TCF4: variants seen among roughly 807,000 people sequenced by gnomAD.
TCF4 encodes SL3-3 enhancer factor 2.
A neutral mutation model predicts 82.1 loss-of-function variants in TCF4; 3 were observed. The ratio of observed to expected loss-of-function variants is 0.04; its 90% CI spans 0.02 to 0.09. The LOEUF (loss-of-function observed/expected upper bound fraction) is 0.09, where lower values mean the gene tolerates loss of function less well. Ranked by LOEUF, TCF4 falls within the 10% of genes least tolerant of loss-of-function variation. The probability of loss-of-function intolerance (pLI) is 1.00; values close to 1 mark genes in which losing one functional copy is unlikely to be tolerated. For missense variants in TCF4, 518 were observed against 852.7 expected (o/e 0.61, Z 4.89); for synonymous variants, 276 against 309.6 (o/e 0.89, Z 1.14).
chr18:55,633,769 G>A lies in TCF4; in HGVS notation c.195+1934C>T, dbSNP rs1489669104. On this transcript the variant is annotated intron_variant, in intron 1 of 20. Transcript: ENST00000398339. This position sits in a 1 kb window ranked among gnomAD's most constrained non-coding sequence, Gnocchi z 4.0. ...TTAATGACAATACTTAAATGAATAG[G>A]TATGTCTCGGTTAAGCCCAAAGTAG... 6.6e-6 allele frequency among the ~76,000 whole-genome samples: 1 copy of A among 152,030 alleles called. No individual in the cohort carries two copies. The highest frequency in any genetic ancestry group is 6.5e-5 in the Admixed American group (1 of 15,268).
intron 3 of TCF4, among the ~76,000 whole-genome samples, chr18:55,498,677 A>G (rs1331348731): frequency 6.6e-6 from 1 of 152,154 alleles, no homozygotes; most frequent in Non-Finnish European, 1.5e-5. Context: ...AGATACAAGG[A>G]CCTGGCACCT....
At chr18:55,373,873 G>A (rs1363254862) in intron 6 of TCF4, among the ~76,000 whole-genome samples, 1 of 151,856 alleles carries the variant, frequency 6.6e-6, no homozygotes, top group East Asian at 1.9e-4. Flanking sequence ...AAATGCATAT[G>A]AAATGCTTAA....
chr18:55,454,689 T>C (rs760663126), intron 5 of TCF4, among the ~76,000 whole-genome samples: 3 of 152,096 alleles, frequency 2.0e-5, no homozygotes, highest in Non-Finnish European at 2.9e-5. Flanking sequence ...AAAATAGAGA[T>C]GAATGGATTA....
At chr18:55,362,424 AGG>A (rs2085647113) in intron 6 of TCF4, among the ~76,000 whole-genome samples, 1 of 139,800 alleles carries the variant, frequency 7.2e-6, no homozygotes, top group African/African-American at 2.7e-5. Context: ...GAAGGAAGGA[AGG>A]AAGGAAGGAA....
At chr18:55,397,239 C>A (rs939091681) in intron 6 of TCF4, among the ~76,000 whole-genome samples, 5 of 152,096 alleles carry the variant, frequency 3.3e-5, no homozygotes, top group Non-Finnish European at 7.3e-5. Flanking sequence ...TACACAGCAC[C>A]CCCAATGAAG....
At chr18:55,527,750 G>A (rs936698767) in intron 3 of TCF4, among the ~76,000 whole-genome samples, 1 of 152,052 alleles carries the variant, frequency 6.6e-6, no homozygotes, top group Non-Finnish European at 1.5e-5. Context: ...GAAAATCCAA[G>A]AATTTTTTTT....
At position 55,510,699 on chromosome 18, in the gene TCF4, A is replaced by T. The variant is rs545346645; in HGVS notation, c.146-46562T>A. 17 of 1,444,290 alleles carry T rather than the reference A, an allele frequency of 1.2e-5. No homozygotes were observed. The African/African-American group carries it at 2.3e-4, about 19-fold the overall frequency. The allele number at this position is 1,444,290 out of a possible 1,614,324, so 89.5% of individuals were successfully genotyped here. A position where few individuals can be genotyped will look rare whatever the true frequency, so the allele number is the denominator to read the frequency against. On this transcript the variant is annotated intron_variant, in intron 3 of 19. Coordinates refer to ENST00000354452, the MANE Select transcript of TCF4 (RefSeq NM_001083962.2). ...GTTTGTGAACTGAGACCTCCACTTT[A>T]AAAGGCCTTTCTTTTAAGGGGCCTT...
chr18:55,395,269 CAATT>C (rs2093421997), intron 6 of TCF4, among the ~76,000 whole-genome samples: 1 of 152,172 alleles, frequency 6.6e-6, no homozygotes, highest in African/African-American at 2.4e-5. Context: ...AGCATTAAAT[CAATT>C]ATTTCTTTAG....
chr18:55,350,133 T>G (rs150958189), intron 8 of TCF4, among the ~76,000 whole-genome samples: 1 of 152,306 alleles, frequency 6.6e-6, no homozygotes, highest in Non-Finnish European at 1.5e-5. Context: ...TCTTTAGAGC[T>G]TAACCTGCTG....
intron 1 of TCF4, chr18:55,635,632 T>G: frequency 6.8e-7 from 1 of 1,478,888 alleles, no homozygotes; most frequent in Middle Eastern, 1.8e-4. Flanking sequence ...TTGGCCATGG[T>G]GGCCATGGGA....
At chr18:55,367,976 C>T (rs757186143) in intron 6 of TCF4, among the ~76,000 whole-genome samples, 3 of 152,214 alleles carry the variant, frequency 2.0e-5, no homozygotes, top group Non-Finnish European at 4.4e-5. Context: ...TTAGGGAGAT[C>T]TGGTGGGCAG....
intron 3 of TCF4, among the ~76,000 whole-genome samples, chr18:55,508,041 G>C (rs1283777161): frequency 6.6e-6 from 1 of 152,110 alleles, no homozygotes; most frequent in African/African-American, 2.4e-5. Flanking sequence ...AACAGAACCA[G>C]TGCGGGACAG....
chr18:55,621,428 A>T (rs1366035155), intron 2 of TCF4, among the ~76,000 whole-genome samples: 2 of 118,206 alleles, frequency 1.7e-5, no homozygotes, highest in South Asian at 2.3e-4. Flanking sequence ...ATTATATATA[A>T]TATATAAAAA....
At chr18:55,496,295 T>C (rs909114388) in intron 3 of TCF4, 2 of 152,078 alleles carry the variant, frequency 1.3e-5, no homozygotes, top group Non-Finnish European at 2.9e-5. Context: ...ATGAAGCTTA[T>C]CTAAATTATA....
At chr18:55,471,651 A>T (rs1329529297) in intron 3 of TCF4, among the ~76,000 whole-genome samples, 1 of 152,128 alleles carries the variant, frequency 6.6e-6, no homozygotes, top group Admixed American at 6.5e-5. Flanking sequence ...TTGTAGTCCC[A>T]GCTACTCAAG....
chr18:55,348,252 A>C (rs2081605006), intron 8 of TCF4, among the ~76,000 whole-genome samples: 1 of 152,196 alleles, frequency 6.6e-6, no homozygotes, highest in African/African-American at 2.4e-5. Context: ...TAAATGGATG[A>C]TTAAATTATA....
intron 6 of TCF4, among the ~76,000 whole-genome samples, chr18:55,398,528 A>G (rs750908414): frequency 3.3e-4 from 50 of 152,132 alleles, no homozygotes; most frequent in Non-Finnish European, 6.2e-4. Context: ...CCCCCCAAAA[A>G]GTCAGAGTGG....
At chr18:55,375,345 A>T (rs1318594233) in intron 6 of TCF4, among the ~76,000 whole-genome samples, 1 of 152,178 alleles carries the variant, frequency 6.6e-6, no homozygotes. Context: ...CTATATACAT[A>T]TATCTCTTTA....
At chr18:55,535,758 G>A (rs961058697) in intron 3 of TCF4, among the ~76,000 whole-genome samples, 2 of 152,176 alleles carry the variant, frequency 1.3e-5, no homozygotes, top group South Asian at 2.1e-4. Context: ...CAATTAGTAG[G>A]TAGAGAGTTA....
Sources: gnomAD v4.1 joint callset for allele counts (sites outside exome capture counted in the v4.1 genomes callset) on GRCh38, gnomAD v4.1.1 for gene constraint, Gnocchi (gnomAD v3.1) non-coding constraint, MANE v1.5 for transcripts, NCBI Gene and HGNC (gene_info 2026-07-23, HGNC 2026-07-21) for gene names.